AKR1C3: variants seen among roughly 807,000 people sequenced by gnomAD.
AKR1C3 encodes 3-alpha hydroxysteroid dehydrogenase, type II.
A neutral mutation model predicts 43.6 loss-of-function variants in AKR1C3; 48 were observed. That is an observed-to-expected ratio of 1.10 (90% CI 0.87 to 1.40). The LOEUF is 1.40. Among genes scored for constraint, AKR1C3 ranks in the 40% most tolerant of loss-of-function variants. The pLI is 0.00. For synonymous variants in AKR1C3, 162 were observed against 139.6 expected (o/e 1.16, Z -1.13); for missense variants, 482 against 391.2 (o/e 1.23, Z -1.96).
chr10:5,086,452 A>G (rs1181012476), intron 1 of AKR1C3, among the ~76,000 whole-genome samples: 2 of 151,438 alleles, frequency 1.3e-5, no homozygotes, highest in Non-Finnish European at 2.9e-5. Flanking sequence ...AGTTTGTTAT[A>G]ATTTCTGTTC....
chr10:5,103,734 C>T (rs1255393842), intron 7 of AKR1C3, among the ~76,000 whole-genome samples: 3 of 152,186 alleles, frequency 2.0e-5, no homozygotes, highest in Non-Finnish European at 2.9e-5. Flanking sequence ...AGGGCTGCCA[C>T]GCCATTGCTT....
In AKR1C3 at chr10:5,102,604, T is replaced by C. The variant is rs1270919137; in HGVS notation, c.800T>C (p.Val267Ala). ...LRYQLQRGVV[V>A]LAKSYNEQRI... Reference sequence around the variant, plus strand: ...TACCAGCTGCAGCGTGGGGTTGTGGTCCTGGCCAAGAGCTACAATGAGCAG... The same window carrying C: ...TACCAGCTGCAGCGTGGGGTTGTGGCCCTGGCCAAGAGCTACAATGAGCAG... Residue 267 changes from valine (V) to alanine (A), a missense_variant, in exon 7 of 9, where the codon GTC (valine) becomes GCC (alanine). Transcript: ENST00000380554. 6.5e-7 allele frequency: 1 copy of C among 1,527,574 alleles called. No individual in the cohort carries two copies. The highest frequency in any genetic ancestry group is 1.4e-5 in the African/African-American group (1 of 72,210). 94.6% of individuals were successfully genotyped at this position (1,527,574 alleles called of 1,614,324 possible).
At position 5,067,259 on chromosome 10, in the gene AKR1C3, A is replaced by G. The variant is rs574535800; in HGVS notation, c.84+18364A>G. ...CAGAGAGGCATAAGCAAGAAAAAAT[A>G]ATAAAAGATAAGAATTTCATGACAG... is the stretch of plus-strand genomic sequence containing the variant. On this transcript the variant is annotated intron_variant, in intron 1 of 8. Transcript: ENST00000439082. Among the ~76,000 whole-genome samples the G allele has an allele frequency of 1.6e-4, 24 of 152,342 alleles. 1 individual carries two copies. In the East Asian group the frequency reaches 3.7e-3, roughly 23 times the overall value.
intron 1 of AKR1C3, among the ~76,000 whole-genome samples, chr10:5,055,771 G>A (rs11492950): frequency 0.31 from 47,530 of 151,986 alleles, 7,624 homozygotes; most frequent in East Asian, 0.4. Context: ...TTCTGCCTCT[G>A]GTTCCCATTC....
At chr10:5,099,777 G>A (rs1554785699) in intron 5 of AKR1C3, 1 of 310,638 alleles carries the variant, frequency 3.2e-6, no homozygotes, top group Non-Finnish European at 6.1e-6. Flanking sequence ...AAAGTGCATG[G>A]GTGAAGGTGA....
chr10:5,085,924 C>A (rs1756125950), intron 1 of AKR1C3, among the ~76,000 whole-genome samples: 2 of 151,538 alleles, frequency 1.3e-5, no homozygotes, highest in Non-Finnish European at 2.9e-5. Flanking sequence ...TGGTGATATC[C>A]CCTTTATCAT....
chr10:5,094,260 CAAAT>C, upstream of AKR1C3: 1 of 433,882 alleles, frequency 2.3e-6, no homozygotes, highest in Non-Finnish European at 4.2e-6. Flanking sequence ...TGATAAGAAA[CAAAT>C]GAACTGAATG....
intron 5 of AKR1C3, among the ~76,000 whole-genome samples, 169 bp from the exon 6 acceptor site, chr10:5,101,932 A>AAGAT (rs1223061798): frequency 6.6e-6 from 1 of 152,212 alleles, no homozygotes; most frequent in East Asian, 1.9e-4. Flanking sequence ...ATACTTTTAG[A>AAGAT]AGATATATAA....
chr10:5,059,348 G>A (rs1384771955), intron 1 of AKR1C3, among the ~76,000 whole-genome samples: 1 of 152,150 alleles, frequency 6.6e-6, no homozygotes, highest in African/African-American at 2.4e-5. Flanking sequence ...CAAGCTTTAG[G>A]ACCCAGGGGG....
chr10:5,055,794 A>G (rs1046968070), intron 1 of AKR1C3, among the ~76,000 whole-genome samples: 1 of 152,114 alleles, frequency 6.6e-6, no homozygotes, highest in South Asian at 2.1e-4. Flanking sequence ...CTAGATGAGT[A>G]TTTGCCATCT....
At chr10:5,077,733 G>GA (rs552660136) in intron 1 of AKR1C3, 1,469 of 1,160,578 alleles carry the variant, frequency 1.3e-3, no homozygotes, top group Middle Eastern at 2.4e-3. Flanking sequence ...AGAGAAAAAA[G>GA]AAAAAAAAAG....
chr10:5,074,554 ATCTCT>A (rs1838671207), intron 1 of AKR1C3, among the ~76,000 whole-genome samples: 2 of 152,204 alleles, frequency 1.3e-5, no homozygotes, highest in Non-Finnish European at 2.9e-5. Context: ...AACATTTTCC[ATCTCT>A]TCTCTTAAGT....
At chr10:5,076,612 G>C (rs1461981827) in intron 1 of AKR1C3, among the ~76,000 whole-genome samples, 1 of 152,062 alleles carries the variant, frequency 6.6e-6, no homozygotes, top group Non-Finnish European at 1.5e-5. Flanking sequence ...AAATTTTCCT[G>C]TTGTCTTTCA....
intron 1 of AKR1C3, among the ~76,000 whole-genome samples, chr10:5,050,956 CTCT>C (rs1438679651): frequency 2.0e-4 from 31 of 152,318 alleles, no homozygotes; most frequent in Non-Finnish European, 3.7e-4. Context: ...TATAACTTGC[CTCT>C]TCTTCTTCAA....
chr10:5,104,391 T>TA (rs1554786741), intron 7 of AKR1C3, among the ~76,000 whole-genome samples: 1 of 35,586 alleles, frequency 2.8e-5, no homozygotes, highest in Non-Finnish European at 4.8e-5. Flanking sequence ...CTTGATTTTT[T>TA]ACTCTACCAT....
intron 1 of AKR1C3, among the ~76,000 whole-genome samples, chr10:5,053,432 G>A (rs930530051): frequency 5.3e-5 from 8 of 152,194 alleles, no homozygotes; most frequent in South Asian, 2.1e-4. Context: ...CCCGGAACTC[G>A]TGCTGGCCCA....
intron 1 of AKR1C3, among the ~76,000 whole-genome samples, chr10:5,060,788 G>A (rs545986916): frequency 6.9e-6 from 1 of 144,960 alleles, no homozygotes; most frequent in East Asian, 2.1e-4. Context: ...ACAGAGGTGG[G>A]GAGGCTCAGG....
intron 1 of AKR1C3, among the ~76,000 whole-genome samples, chr10:5,055,752 G>C (rs1298468010): frequency 6.6e-6 from 1 of 152,176 alleles, no homozygotes; most frequent in African/African-American, 2.4e-5. Context: ...TTAAGGTTTT[G>C]AAGGCTGTTT....
chr10:5,076,196 G>A (rs952505764), intron 1 of AKR1C3, among the ~76,000 whole-genome samples: 1 of 152,166 alleles, frequency 6.6e-6, no homozygotes, highest in African/African-American at 2.4e-5. Flanking sequence ...TTAAAATTCT[G>A]TGTTACCTAC....
Sources: allele counts gnomAD v4.1 joint callset (sites outside exome capture counted in the v4.1 genomes callset), GRCh38; gene constraint gnomAD v4.1.1; transcripts MANE v1.5; gene names NCBI Gene and HGNC (gene_info 2026-07-23, HGNC 2026-07-21).